SLIT1: variants seen among roughly 807,000 people sequenced by gnomAD.
SLIT1 encodes the protein slit guidance ligand 1.
SLIT1 carries 66 observed loss-of-function variants against 186.1 expected under a neutral mutation model. That is an observed-to-expected ratio of 0.35 (90% CI 0.29 to 0.44). SLIT1 has a LOEUF of 0.44. Among genes scored for constraint, SLIT1 ranks in the 20% least tolerant of loss-of-function variants. The pLI is 1.00. For synonymous variants in SLIT1, 761 were observed against 833.8 expected (o/e 0.91, Z 1.50); for missense variants, 1,638 against 2,037.4 (o/e 0.80, Z 3.77).
intron 13 of SLIT1, among the ~76,000 whole-genome samples, chr10:97,054,044 C>T (rs1057466124): frequency 3.3e-5 from 5 of 152,120 alleles, no homozygotes; most frequent in African/African-American, 1.2e-4. Flanking sequence ...AAGAGGTTTA[C>T]TGGGCTGAGA....
At chr10:97,073,193 T>C (rs1212292904) in intron 4 of SLIT1, among the ~76,000 whole-genome samples, 1 of 152,200 alleles carries the variant, frequency 6.6e-6, no homozygotes, top group Non-Finnish European at 1.5e-5. Flanking sequence ...AAGTTTATCA[T>C]GTCTTCTGCC....
At chr10:97,109,944 T>C (rs1479151266) in intron 4 of SLIT1, among the ~76,000 whole-genome samples, 1 of 152,210 alleles carries the variant, frequency 6.6e-6, no homozygotes, top group Non-Finnish European at 1.5e-5. Flanking sequence ...CAGCTCAGTT[T>C]ACTCATATAC....
intron 23 of SLIT1, among the ~76,000 whole-genome samples, chr10:97,033,783 C>T (rs1203697984): frequency 6.6e-6 from 1 of 151,350 alleles, no homozygotes. Flanking sequence ...CTCATAAAGT[C>T]AGGACAGCAG....
chr10:97,149,279 G>GCTCGC (rs958444269), intron 4 of SLIT1, among the ~76,000 whole-genome samples: 3 of 152,226 alleles, frequency 2.0e-5, no homozygotes, highest in African/African-American at 7.2e-5. Flanking sequence ...CCAGTGGGAC[G>GCTCGC]CTCGCCTCTT....
intron 4 of SLIT1, among the ~76,000 whole-genome samples, chr10:97,128,393 G>C (rs201735104): frequency 6.6e-6 from 1 of 152,140 alleles, no homozygotes; most frequent in Non-Finnish European, 1.5e-5. Context: ...GGCTAGAAGC[G>C]CACGTGTGCA....
intron 22 of SLIT1, among the ~76,000 whole-genome samples, chr10:97,035,745 G>C (rs1344951478): frequency 6.6e-6 from 1 of 152,026 alleles, no homozygotes; most frequent in Non-Finnish European, 1.5e-5. Context: ...CGGCACTCCT[G>C]GGTCTAGCCC....
chr10:97,140,547 G>C (rs933353380), intron 4 of SLIT1, among the ~76,000 whole-genome samples: 1 of 152,122 alleles, frequency 6.6e-6, no homozygotes, highest in Non-Finnish European at 1.5e-5. Context: ...CTCCTTATTG[G>C]TATTCAGTCG....
At chr10:97,156,207 C>A (rs538052675) in intron 4 of SLIT1, among the ~76,000 whole-genome samples, 25 of 152,236 alleles carry the variant, frequency 1.6e-4, no homozygotes, top group Non-Finnish European at 1.5e-5. Flanking sequence ...GAGTGGTCTC[C>A]AGGCCAGGAG....
Position 97,047,836 on chromosome 10 carries a change from T to A in SLIT1, c.1490-2A>T. ...TGTTCAGCTGGTAATCCTCCGTGCC[T>A]GCCATGAGAGGGTGGGGGCAGAGGC... On this transcript the variant is annotated splice_acceptor_variant, in intron 15 of 36. Transcript: ENST00000266058. LOFTEE classifies it high-confidence loss of function. 6.2e-7 allele frequency: 1 copy of A among 1,613,750 alleles called. No homozygotes were observed. Among genetic ancestry groups the A allele is most frequent in the Non-Finnish European group, 8.5e-7 (1 of 1,179,774 alleles).
At chr10:97,065,634 C>T (rs1282700800) in intron 5 of SLIT1, 1 of 203,184 alleles carries the variant, frequency 4.9e-6, no homozygotes, top group Non-Finnish European at 1.0e-5. Flanking sequence ...TGTTCACTGA[C>T]TTGCAGCGGC....
intron 30 of SLIT1, among the ~76,000 whole-genome samples, chr10:97,012,768 G>C (rs1848423017): frequency 6.6e-6 from 1 of 152,186 alleles, no homozygotes; most frequent in Non-Finnish European, 1.5e-5. Flanking sequence ...CCTGTCATGG[G>C]CCTCAGGCTG....
chr10:97,182,802 A>T (rs1470817687), intron 1 of SLIT1, among the ~76,000 whole-genome samples: 1 of 152,124 alleles, frequency 6.6e-6, no homozygotes, highest in Non-Finnish European at 1.5e-5. Flanking sequence ...CGGGCCAGGC[A>T]TGCTTACACC....
intron 4 of SLIT1, among the ~76,000 whole-genome samples, chr10:97,119,931 ATATATATATATATATG>A (rs1321932258): frequency 7.5e-6 from 1 of 132,924 alleles, no homozygotes; most frequent in African/African-American, 2.8e-5. Flanking sequence ...ATATATATAT[ATATATATATATATATG>A]TATATGTATA....
At position 97,021,917 on chromosome 10, in the gene SLIT1, C is replaced by T. The variant is rs907508616; in HGVS notation, c.2583-504G>A. On this transcript the variant is annotated intron_variant, in intron 25 of 36. Coordinates refer to ENST00000266058, the MANE Select transcript of SLIT1 (RefSeq NM_003061.3). This position sits in a 1 kb window ranked among gnomAD's most constrained non-coding sequence, Gnocchi z 4.5. ...ATTGTCTCACTTAGTCATCACCACA[C>T]GCTACTATTCTCATTTTACATGTGC... is the stretch of plus-strand genomic sequence containing the variant. 4.6e-5 allele frequency among the ~76,000 whole-genome samples: 7 copies of T among 152,150 alleles called. No individual in the cohort carries two copies. The highest frequency in any genetic ancestry group is 8.8e-5 in the Non-Finnish European group (6 of 68,026).
At chr10:97,137,979 C>CTAT (rs1407160666) in intron 4 of SLIT1, among the ~76,000 whole-genome samples, 1 of 152,226 alleles carries the variant, frequency 6.6e-6, no homozygotes, top group East Asian at 1.9e-4. Context: ...AGTAGCAGAG[C>CTAT]TATTGGATTC....
At chr10:97,131,017 C>G (rs1471388233) in intron 4 of SLIT1, among the ~76,000 whole-genome samples, 1 of 152,170 alleles carries the variant, frequency 6.6e-6, no homozygotes, top group East Asian at 1.9e-4. Context: ...GGTCATGAAA[C>G]TGTGGTGGCC....
rs1284904930 is a variant in SLIT1, at chr10:97,056,360, G to A, written c.1262C>T (p.Ala421Val). The A allele has an allele frequency of 1.2e-6, 2 of 1,614,202 alleles. No homozygotes were observed. Among genetic ancestry groups the A allele is most frequent in the Admixed American group, 1.7e-5 (1 of 60,034 alleles). Residue 421 changes from alanine to valine, a missense_variant, in exon 13 of 37, where the codon GCC becomes GTC. Transcript: ENST00000266058. Reference sequence around the variant, plus strand: ...CCGCAGGGAGGTGAAAGTGCCCTTGGCGAGGCTCTGGATCTTGTTGTCATA... The same window carrying A: ...CCGCAGGGAGGTGAAAGTGCCCTTGACGAGGCTCTGGATCTTGTTGTCATA... ...SLYDNKIQSL[A>V]KGTFTSLRAI...
intron 1 of SLIT1, among the ~76,000 whole-genome samples, chr10:97,178,000 C>A (rs544982091): frequency 4.9e-4 from 74 of 151,866 alleles, no homozygotes; most frequent in Middle Eastern, 3.4e-3. Context: ...AACAAACAAA[C>A]AAAAAAACAG....
intron 27 of SLIT1, 45 bp downstream of exon 27, chr10:97,018,938 G>T: frequency 2.4e-6 from 3 of 1,227,852 alleles, no homozygotes; most frequent in Non-Finnish European, 3.6e-6. Flanking sequence ...GCCCTGCAGT[G>T]TACACGAAGA....
Sources: allele counts gnomAD v4.1 joint callset (sites outside exome capture counted in the v4.1 genomes callset), GRCh38; gene constraint gnomAD v4.1.1; non-coding constraint Gnocchi (gnomAD v3.1); transcripts MANE v1.5; gene names NCBI Gene and HGNC (gene_info 2026-07-23, HGNC 2026-07-21).